The following MYO1F variants were observed in gnomAD, a reference collection of about 807,000 sequenced individuals.
MYO1F encodes the protein myosin IF, also known as unconventional myosin-If.
Under a neutral mutation model 146.6 loss-of-function variants are expected in MYO1F, and 60 were observed. That is an observed-to-expected ratio of 0.41 (90% CI 0.33 to 0.51). The LOEUF is 0.51. Among genes scored for constraint, MYO1F ranks in the 20% least tolerant of loss-of-function variants. The pLI is 0.25. For missense variants in MYO1F, 1,274 were observed against 1,534.3 expected (o/e 0.83, Z 2.83); for synonymous variants, 602 against 602.1 (o/e 1.00, Z 0.00).
intron 19 of MYO1F, 69 bp downstream of exon 19, chr19:8,536,183 C>T (rs1418581643): frequency 1.3e-6 from 2 of 1,563,526 alleles, no homozygotes; most frequent in Admixed American, 1.7e-5. Context: ...CTCTCTCTCT[C>T]TCAGTCCCTC....
Position 8,543,930 on chromosome 19 carries a change from GTGGTGGTGC to G in MYO1F, c.1524+358_1524+366del, listed in dbSNP as rs1568349786. 2.7e-4 allele frequency: 67 copies of G among 251,192 alleles called. 1 individual carries two copies. Among genetic ancestry groups the G allele is most frequent in the East Asian group, 5.6e-4 (4 of 7,110 alleles). 15.6% of individuals were successfully genotyped at this position (251,192 alleles called of 1,614,324 possible). A position where few individuals can be genotyped will look rare whatever the true frequency, so the allele number is the denominator to read the frequency against. ...GGTGGTGGTGGTGGTGGTGGTGGTG[GTGGTGGTGC>G]TGGTGGTGCTGGTGGTGGTGGTGGT... On this transcript the variant is annotated intron_variant, in intron 14 of 27. Transcript: ENST00000644032.
rs139308074 is a variant in MYO1F at position 8,555,559 on chromosome 19, C to T, written c.141+100G>A. Reference sequence around the variant, plus strand: ...TCTGTGTCACCACTTGGTGCTCTCCCGGCCCATTCCTCCCTCTGCTCCTTC... The same window carrying T: ...TCTGTGTCACCACTTGGTGCTCTCCTGGCCCATTCCTCCCTCTGCTCCTTC... On this transcript the variant is annotated intron_variant, in intron 2 of 27. Coordinates refer to ENST00000644032, the MANE Select transcript of MYO1F (RefSeq NM_012335.4). 2,509 of 1,539,544 alleles carry T rather than the reference C, an allele frequency of 1.6e-3. 33 individuals carry two copies. The highest frequency in any genetic ancestry group is 0.014 in the South Asian group (1,279 of 88,790).
chr19:8,543,837 G>C (rs568859085), intron 14 of MYO1F, among the ~76,000 whole-genome samples: 2 of 22,398 alleles, frequency 8.9e-5, no homozygotes, highest in South Asian at 2.2e-3. Flanking sequence ...GGTGGTGGTG[G>C]TGGTGGTGGT....
chr19:8,523,062 T>C (rs1972125143), intron 25 of MYO1F, among the ~76,000 whole-genome samples: 2 of 151,332 alleles, frequency 1.3e-5, no homozygotes, highest in East Asian at 3.9e-4. Context: ...GATGGAGTCT[T>C]GCTCAGTCGC....
intron 1 of MYO1F, among the ~76,000 whole-genome samples, chr19:8,568,900 A>G (rs971024721): frequency 5.3e-5 from 8 of 152,090 alleles, no homozygotes; most frequent in African/African-American, 1.9e-4. Flanking sequence ...CAGCCTGGGC[A>G]ACAGAGCGAG....
intron 2 of MYO1F, 62 bp downstream of exon 2, chr19:8,555,597 G>C: frequency 6.2e-7 from 1 of 1,609,264 alleles, no homozygotes; most frequent in Non-Finnish European, 8.5e-7. Context: ...CCTCCTCTCC[G>C]TCCATGGCCC....
Position 8,522,778 on chromosome 19 carries a change from A to AG in MYO1F, c.2905dup (p.Leu969ProfsTer44). ...GGTGCCCCCTCCAGACATGATCTCCAGGGGCAGGGGGCCCCCTCTGGCAGA... is the reference window on the plus strand; with the variant it reads ...GGTGCCCCCTCCAGACATGATCTCCAGGGGGCAGGGGGCCCCCTCTGGCAGA... On this transcript the variant is annotated frameshift_variant, in exon 26 of 28. Coordinates refer to ENST00000644032, the MANE Select transcript of MYO1F (RefSeq NM_012335.4). LOFTEE classifies it high-confidence loss of function. The AG allele has an allele frequency of 6.2e-7, 1 of 1,604,742 alleles. No individual in the cohort carries two copies. Among genetic ancestry groups the AG allele is most frequent in the Non-Finnish European group, 8.5e-7 (1 of 1,177,038 alleles).
At chr19:8,559,220 A>G (rs977898531) in intron 1 of MYO1F, among the ~76,000 whole-genome samples, 1 of 150,624 alleles carries the variant, frequency 6.6e-6, no homozygotes, top group Non-Finnish European at 1.5e-5. Flanking sequence ...TTGCCAGTGG[A>G]TTCCAGGGAT....
At chr19:8,522,213 G>A (rs545780864) in intron 27 of MYO1F, among the ~76,000 whole-genome samples, 164 bp downstream of exon 27, 18 of 152,000 alleles carry the variant, frequency 1.2e-4, no homozygotes, top group African/African-American at 4.1e-4. Flanking sequence ...TAGTAGAGAC[G>A]GGGTTTCACT....
At chr19:8,522,602 A>G in intron 26 of MYO1F, 32 bp downstream of exon 26, 4 of 1,607,526 alleles carry the variant, frequency 2.5e-6, no homozygotes, top group Non-Finnish European at 8.5e-7. Context: ...CCCCCTGCCC[A>G]CCTCCTGGAG....
chr19:8,567,058 A>ATTTTT (rs768377216), intron 1 of MYO1F, among the ~76,000 whole-genome samples: 3 of 127,694 alleles, frequency 2.3e-5, no homozygotes, highest in African/African-American at 3.0e-5. Context: ...ACTGGGTCCA[A>ATTTTT]TTTTTTTTTT....
At chr19:8,539,588 T>C (rs1477418810) in intron 16 of MYO1F, among the ~76,000 whole-genome samples, 4 of 132,652 alleles carry the variant, frequency 3.0e-5, no homozygotes, top group Non-Finnish European at 6.0e-5. Flanking sequence ...AGAGCAAGAC[T>C]CTGTCTCAAA....
At chr19:8,532,844 T>C (rs1264535027) in intron 19 of MYO1F, among the ~76,000 whole-genome samples, 2 of 149,906 alleles carry the variant, frequency 1.3e-5, no homozygotes, top group East Asian at 3.9e-4. Flanking sequence ...GCTGTGATTG[T>C]GCGACTGCAC....
At chr19:8,539,491 GA>G (rs1972866956) in intron 16 of MYO1F, among the ~76,000 whole-genome samples, 2 of 152,012 alleles carry the variant, frequency 1.3e-5, no homozygotes, top group Non-Finnish European at 2.9e-5. Flanking sequence ...AGCTACTTAG[GA>G]GGCTGAGGCA....
At chr19:8,558,765 A>T (rs2145939501) in intron 1 of MYO1F, among the ~76,000 whole-genome samples, 1 of 152,186 alleles carries the variant, frequency 6.6e-6, no homozygotes, top group Non-Finnish European at 1.5e-5. Flanking sequence ...GCTCCTGGAG[A>T]CAGAGACTGG....
Position 8,547,967 on chromosome 19 carries a change from G to A in MYO1F, c.1269+69C>T, listed in dbSNP as rs553958478. On this transcript the variant is annotated intron_variant, in intron 12 of 27. Coordinates refer to ENST00000644032, the MANE Select transcript of MYO1F (RefSeq NM_012335.4). ...GCTGGGGTGTCCCCTAGTTGCTAAG[G>A]GATCCTCATGGTCCTTCCACCCCAC... is the stretch of plus-strand genomic sequence containing the variant. 3.7e-5 allele frequency: 55 copies of A among 1,492,100 alleles called. No individual in the cohort carries two copies. The African/African-American group carries it at 4.0e-4, about 11-fold the overall frequency. 92.4% of individuals were successfully genotyped at this position (1,492,100 alleles called of 1,614,324 possible). A position where few individuals can be genotyped will look rare whatever the true frequency, so the allele number is the denominator to read the frequency against.
At chr19:8,535,091 T>C (rs986777079) in intron 19 of MYO1F, among the ~76,000 whole-genome samples, 5 of 152,060 alleles carry the variant, frequency 3.3e-5, no homozygotes, top group African/African-American at 7.2e-5. Context: ...TTTGTACTTT[T>C]AATAGAGAAG....
intron 25 of MYO1F, among the ~76,000 whole-genome samples, chr19:8,523,331 C>T (rs186987643): frequency 6.6e-6 from 1 of 152,026 alleles, no homozygotes; most frequent in Non-Finnish European, 1.5e-5. Context: ...CCGCGCCTGG[C>T]CAATTATTTT....
At chr19:8,572,791 G>C (rs1411555535) in intron 1 of MYO1F, among the ~76,000 whole-genome samples, 1 of 152,096 alleles carries the variant, frequency 6.6e-6, no homozygotes, top group African/African-American at 2.4e-5. Context: ...GAACTCCTGG[G>C]CTCAAGTGAT....
Sources: allele counts gnomAD v4.1 joint callset (sites outside exome capture counted in the v4.1 genomes callset), GRCh38; gene constraint gnomAD v4.1.1; transcripts MANE v1.5; gene names NCBI Gene and HGNC (gene_info 2026-07-23, HGNC 2026-07-21).